Variants in ANTXR1 observed in about 807,000 individuals in gnomAD.
ANTXR1 encodes ANTXR cell adhesion molecule 1.
A neutral mutation model predicts 78.1 loss-of-function variants in ANTXR1; 19 were observed. The ratio of observed to expected loss-of-function variants is 0.24; its 90% CI spans 0.17 to 0.36. The LOEUF (loss-of-function observed/expected upper bound fraction) is 0.36. Ranked by LOEUF, ANTXR1 falls within the 10% of genes least tolerant of loss-of-function variation. ANTXR1 has a pLI of 1.00. For synonymous variants in ANTXR1, 273 were observed against 260.5 expected (o/e 1.05, Z -0.46); for missense variants, 518 against 718.6 (o/e 0.72, Z 3.19).
chr2:69,170,147 G>A, intron 13 of ANTXR1, 101 bp from the exon 14 acceptor site: 1 of 1,306,726 alleles, frequency 7.7e-7, no homozygotes, highest in South Asian at 1.2e-5. Flanking sequence ...CATTGCCATG[G>A]TAATTATGGC....
intron 16 of ANTXR1, among the ~76,000 whole-genome samples, chr2:69,184,689 G>T (rs1378310205): frequency 6.6e-6 from 1 of 152,278 alleles, no homozygotes. Flanking sequence ...AGATAAATAA[G>T]TATATGGGCC....
intron 17 of ANTXR1, among the ~76,000 whole-genome samples, chr2:69,203,149 A>T (rs906178706): frequency 1.0e-3 from 154 of 152,348 alleles, no homozygotes; most frequent in African/African-American, 3.4e-3. Flanking sequence ...GACACCAGGT[A>T]TAAGGTCCCA....
In ANTXR1 at chr2:69,225,233, G is replaced by C. The variant is rs189160377; in HGVS notation, c.1435-19992G>C. The stretch of plus-strand genomic sequence containing the variant: ...CTAACCCACATGTTACTGGATGCCA[G>C]TGTCCAGGGAATTTCTCTCCTGGGT... On this transcript the variant is annotated intron_variant, in intron 17 of 17. Coordinates refer to ENST00000303714, the MANE Select transcript of ANTXR1 (RefSeq NM_032208.3). 3.3e-5 allele frequency among the ~76,000 whole-genome samples: 5 copies of C among 152,322 alleles called. No homozygotes were observed. In the East Asian group the frequency reaches 5.8e-4, roughly 18 times the overall value.
At chr2:69,199,443 G>A (rs1674724831) in intron 17 of ANTXR1, among the ~76,000 whole-genome samples, 1 of 152,146 alleles carries the variant, frequency 6.6e-6, no homozygotes, top group African/African-American at 2.4e-5. Context: ...TCTCCATAGA[G>A]CACCTATTGA....
At position 69,193,440 on chromosome 2, in the gene ANTXR1, G is replaced by A. The variant is rs751366240; in HGVS notation, c.1434+25G>A. 17 of 1,426,306 alleles carry A rather than the reference G, an allele frequency of 1.2e-5. No homozygotes were observed. In the African/African-American group the frequency reaches 1.3e-4, roughly 11 times the overall value. 88.4% of individuals were successfully genotyped at this position (1,426,306 alleles called of 1,614,324 possible). A position where few individuals can be genotyped will look rare whatever the true frequency, so the allele number is the denominator to read the frequency against. On this transcript the variant is annotated intron_variant, in intron 17 of 17. Coordinates refer to ENST00000303714, the MANE Select transcript of ANTXR1 (RefSeq NM_032208.3). The stretch of plus-strand genomic sequence containing the variant: ...GGTAGGACTCGTTAATTCATTAATG[G>A]TGTCTCTCTCTCTCTCTCTCACATA...
chr2:69,022,074 A>C (rs950310037), intron 1 of ANTXR1, among the ~76,000 whole-genome samples: 8 of 152,214 alleles, frequency 5.3e-5, no homozygotes, highest in Admixed American at 2.0e-4. Flanking sequence ...TTACATGAAT[A>C]TATTTGAAAG....
At chr2:69,070,614 A>C in intron 3 of ANTXR1, 33 bp from the exon 4 acceptor site, 1 of 1,606,002 alleles carries the variant, frequency 6.2e-7, no homozygotes, top group Non-Finnish European at 8.5e-7. Flanking sequence ...AAAAATACTC[A>C]AATAAGACTA....
intron 13 of ANTXR1, among the ~76,000 whole-genome samples, chr2:69,169,952 G>A (rs1673934423): frequency 1.3e-5 from 2 of 152,254 alleles, no homozygotes; most frequent in Admixed American, 1.3e-4. Flanking sequence ...GAATAAATTT[G>A]CATGATAGTT....
intron 17 of ANTXR1, among the ~76,000 whole-genome samples, chr2:69,195,850 C>A (rs1313261310): frequency 6.6e-6 from 1 of 152,018 alleles, no homozygotes; most frequent in Non-Finnish European, 1.5e-5. Flanking sequence ...TGTATGACCC[C>A]ATTTTTTTTT....
At chr2:69,150,400 C>T (rs1021368590) in intron 12 of ANTXR1, among the ~76,000 whole-genome samples, 1 of 152,178 alleles carries the variant, frequency 6.6e-6, no homozygotes, top group Non-Finnish European at 1.5e-5. Flanking sequence ...ACCTGGGTAC[C>T]CCATAGATCC....
At chr2:69,194,063 G>T (rs776038478) in intron 17 of ANTXR1, among the ~76,000 whole-genome samples, 31 of 152,152 alleles carry the variant, frequency 2.0e-4, no homozygotes, top group Non-Finnish European at 3.8e-4. Context: ...GCTTCATTTT[G>T]TAAATGAAGA....
intron 8 of ANTXR1, among the ~76,000 whole-genome samples, chr2:69,083,576 G>A (rs926723771): frequency 1.8e-4 from 27 of 152,120 alleles, no homozygotes; most frequent in Admixed American, 9.8e-4. Context: ...GCTAAGTTGT[G>A]CAATCCCAAA....
At chr2:69,172,535 A>G in intron 14 of ANTXR1, 1 of 1,404,992 alleles carries the variant, frequency 7.1e-7, no homozygotes, top group Non-Finnish European at 9.2e-7. Flanking sequence ...TCTAACATTC[A>G]ATAAATAGCT....
chr2:69,055,354 A>G (rs1423504894), intron 3 of ANTXR1, among the ~76,000 whole-genome samples: 2 of 152,170 alleles, frequency 1.3e-5, no homozygotes, highest in Non-Finnish European at 2.9e-5. Context: ...CTTTTGTGTA[A>G]TAGTTGTAGG....
chr2:69,103,356 T>C (rs1671693509), intron 10 of ANTXR1: 2 of 305,324 alleles, frequency 6.6e-6, no homozygotes, highest in Non-Finnish European at 1.3e-5. Context: ...CTTAACAAAG[T>C]ATTGGGACTC....
At chr2:69,014,137 C>G (rs945100240) in intron 1 of ANTXR1, among the ~76,000 whole-genome samples, 1 of 152,182 alleles carries the variant, frequency 6.6e-6, no homozygotes, top group African/African-American at 2.4e-5. Flanking sequence ...ATTATCTTTG[C>G]TCCTAATCAT....
At chr2:69,014,151 A>G (rs1670954117) in intron 1 of ANTXR1, among the ~76,000 whole-genome samples, 1 of 152,110 alleles carries the variant, frequency 6.6e-6, no homozygotes, top group African/African-American at 2.4e-5. Flanking sequence ...TAATCATGTA[A>G]TGCATACTTC....
intron 6 of ANTXR1, 95 bp downstream of exon 6, chr2:69,073,196 T>C (rs942791300): frequency 9.4e-7 from 1 of 1,061,130 alleles, no homozygotes; most frequent in South Asian, 1.3e-5. Context: ...GTGATAGGTG[T>C]TCTTTGCAAA....
At chr2:69,231,395 G>A (rs981000668) in intron 17 of ANTXR1, among the ~76,000 whole-genome samples, 14 of 151,838 alleles carry the variant, frequency 9.2e-5, no homozygotes, top group African/African-American at 2.4e-4. Flanking sequence ...GGGATCCTTC[G>A]CAGCAACTTT....
Sources: gnomAD v4.1 joint callset for allele counts (sites outside exome capture counted in the v4.1 genomes callset) on GRCh38, gnomAD v4.1.1 for gene constraint, MANE v1.5 for transcripts, NCBI Gene and HGNC (gene_info 2026-07-23, HGNC 2026-07-21) for gene names.